The following TNR variants were observed in gnomAD, a reference collection of about 807,000 sequenced individuals.
The protein encoded by TNR is tenascin R, also known as tenascin-R.
Under a neutral mutation model 150.4 loss-of-function variants are expected in TNR, and 45 were observed. The observed-to-expected ratio is 0.30, with a 90% CI of 0.24 to 0.38. The LOEUF (loss-of-function observed/expected upper bound fraction) is 0.38. TNR is among the 10% of genes least tolerant of loss of function. The pLI is 1.00. For missense variants in TNR, 1,544 were observed against 1,759.1 expected (o/e 0.88, Z 2.19); for synonymous variants, 687 against 678.4 (o/e 1.01, Z -0.20).
intron 18 of TNR, among the ~76,000 whole-genome samples, chr1:175,348,344 T>C (rs1006326963): frequency 7.9e-5 from 12 of 152,194 alleles, no homozygotes; most frequent in Non-Finnish European, 1.8e-4. Context: ...AATTAATTTA[T>C]AAATTCATTG....
intron 2 of TNR, among the ~76,000 whole-genome samples, chr1:175,437,967 C>T (rs1352563359): frequency 6.6e-6 from 1 of 152,194 alleles, no homozygotes; most frequent in Non-Finnish European, 1.5e-5. Flanking sequence ...GAGCTGGTAC[C>T]ATTCCTTCTG....
At chr1:175,524,243 T>C (rs1221450904) in intron 2 of TNR, among the ~76,000 whole-genome samples, 2 of 152,098 alleles carry the variant, frequency 1.3e-5, no homozygotes, top group East Asian at 1.9e-4. Flanking sequence ...GCACCTAGTA[T>C]ATGCTACATG....
intron 1 of TNR, among the ~76,000 whole-genome samples, chr1:175,670,299 G>T (rs1017467196): frequency 3.1e-4 from 47 of 152,176 alleles, no homozygotes; most frequent in African/African-American, 1.0e-3. Flanking sequence ...TGGTCATCCA[G>T]GGTGTGAGAG....
rs1014214193 is a variant in TNR, at chr1:175,528,287, C to G, written c.-82G>C. ...GAAATACCTTTTGTGATGGTGTCTTCGATGCTTTCTCTTTACTGCACTTTC... is the reference window on the plus strand; with the variant it reads ...GAAATACCTTTTGTGATGGTGTCTTGGATGCTTTCTCTTTACTGCACTTTC... On this transcript the variant is annotated 5_prime_UTR_variant, in exon 2 of 23. Transcript: ENST00000367674. 1 of 152,148 alleles carries G rather than the reference C, an allele frequency of 6.6e-6. No individual in the cohort carries two copies. The highest frequency in any genetic ancestry group is 1.5e-5 in the Non-Finnish European group (1 of 68,032). 9.4% of individuals were successfully genotyped at this position (152,148 alleles called of 1,614,324 possible).
intron 9 of TNR, among the ~76,000 whole-genome samples, chr1:175,372,676 G>T (rs1173899997): frequency 6.6e-6 from 1 of 152,216 alleles, no homozygotes; most frequent in Non-Finnish European, 1.5e-5. Context: ...AAGTGGTAGG[G>T]AGAAGGAGGC....
chr1:175,625,993 G>T (rs12032298), intron 1 of TNR, among the ~76,000 whole-genome samples: 41,612 of 151,924 alleles, frequency 0.27, 6,604 homozygotes, highest in East Asian at 0.5. Context: ...GAATCATGGG[G>T]GCCTGTCTTT....
chr1:175,389,835 C>T (rs573203395), intron 7 of TNR, among the ~76,000 whole-genome samples: 2 of 152,234 alleles, frequency 1.3e-5, no homozygotes, highest in South Asian at 4.2e-4. Flanking sequence ...CAGCCACCGG[C>T]CTTCTGGAGG....
chr1:175,627,193 T>C (rs1664181671), intron 1 of TNR, among the ~76,000 whole-genome samples: 2 of 152,252 alleles, frequency 1.3e-5, no homozygotes, highest in South Asian at 2.1e-4. Flanking sequence ...TAACTTGTGA[T>C]TGACATGGCA....
chr1:175,399,725 G>T (rs1284978014), intron 4 of TNR, among the ~76,000 whole-genome samples: 3 of 152,180 alleles, frequency 2.0e-5, no homozygotes, highest in Non-Finnish European at 4.4e-5. Context: ...TTTCTTTGGG[G>T]TGTCAACTTT....
chr1:175,705,223 A>G (rs1196810886), intron 1 of TNR, among the ~76,000 whole-genome samples: 1 of 152,200 alleles, frequency 6.6e-6, no homozygotes, highest in African/African-American at 2.4e-5. Context: ...AGAAAAGAGC[A>G]GGCTGACTTC....
chr1:175,586,443 G>A lies in TNR; in HGVS notation c.-164-58074C>T, dbSNP rs141713742. ...AGTTTCCTGAGTAGCTGGGATTACAGGCATCCGCCACCATGGCCGGCTAAT... is the reference window on the plus strand; with the variant it reads ...AGTTTCCTGAGTAGCTGGGATTACAAGCATCCGCCACCATGGCCGGCTAAT... On this transcript the variant is annotated intron_variant, in intron 1 of 22. Coordinates refer to ENST00000367674, the MANE Select transcript of TNR (RefSeq NM_003285.3). Among the ~76,000 whole-genome samples, 262 of 152,208 alleles carry A rather than the reference G, an allele frequency of 1.7e-3. 4 individuals are homozygous for A. In the East Asian group the frequency reaches 0.042, roughly 24 times the overall value.
At chr1:175,531,529 T>C (rs1266700475) in intron 1 of TNR, among the ~76,000 whole-genome samples, 2 of 152,126 alleles carry the variant, frequency 1.3e-5, no homozygotes, top group Non-Finnish European at 2.9e-5. Flanking sequence ...CCCAAATCCT[T>C]TTAGCTTACA....
rs752968859 is a variant in TNR at position 175,586,118 on chromosome 1, A to T, written c.-164-57749T>A. Among the ~76,000 whole-genome samples, 3 of 151,992 alleles carry T rather than the reference A, an allele frequency of 2.0e-5. No individual in the cohort carries two copies. The South Asian group carries it at 6.2e-4, about 32-fold the overall frequency. On this transcript the variant is annotated intron_variant, in intron 1 of 22. Transcript: ENST00000367674. The stretch of plus-strand genomic sequence containing the variant: ...CTGGAAGAATATCAGCAGAATAATG[A>T]CTCAATCTTTGGTGATCAGGGAAGC...
intron 1 of TNR, among the ~76,000 whole-genome samples, chr1:175,742,808 C>T (rs559048377): frequency 6.6e-6 from 1 of 152,300 alleles, no homozygotes; most frequent in Admixed American, 6.5e-5. Flanking sequence ...AACTCTTTCC[C>T]ACCATGGATG....
At chr1:175,553,817 A>ACACACACACACACACAC (rs1553238669) in intron 1 of TNR, among the ~76,000 whole-genome samples, 40 of 145,498 alleles carry the variant, frequency 2.7e-4, no homozygotes, top group Non-Finnish European at 4.8e-4. Flanking sequence ...TACAAGAACA[A>ACACACACACACACACAC]ACACACACAC....
chr1:175,674,665 A>G (rs1182565780), intron 1 of TNR, among the ~76,000 whole-genome samples: 1 of 152,132 alleles, frequency 6.6e-6, no homozygotes, highest in Non-Finnish European at 1.5e-5. Context: ...TGTTCACCCT[A>G]CAGTAGCCTG....
At position 175,543,662 on chromosome 1, in the gene TNR, T is replaced by C. The variant is rs1436427901; in HGVS notation, c.-164-15293A>G. Among the ~76,000 whole-genome samples, 9 of 152,208 alleles carry C rather than the reference T, an allele frequency of 5.9e-5. 1 individual carries two copies. Among genetic ancestry groups the C allele is most frequent in the Middle Eastern group, 6.8e-3 (2 of 294 alleles). On this transcript the variant is annotated intron_variant, in intron 1 of 22. Transcript: ENST00000367674. ...TCAAAGATGATAATGACTCAGTTCC[T>C]GTTCTGGGAAACTCGTAATTTATAT...
intron 18 of TNR, among the ~76,000 whole-genome samples, chr1:175,345,559 G>C (rs920519043): frequency 6.6e-6 from 1 of 152,132 alleles, no homozygotes; most frequent in African/African-American, 2.4e-5. Context: ...GAATACAGCA[G>C]ATAGGGTGAA....
intron 1 of TNR, among the ~76,000 whole-genome samples, chr1:175,691,090 A>G (rs1278320911): frequency 6.6e-6 from 1 of 152,036 alleles, no homozygotes; most frequent in African/African-American, 2.4e-5. Flanking sequence ...TTAATTAAAC[A>G]TCTCTATAGT....
Sources: gnomAD v4.1 joint callset for allele counts (sites outside exome capture counted in the v4.1 genomes callset) on GRCh38, gnomAD v4.1.1 for gene constraint, MANE v1.5 for transcripts, NCBI Gene and HGNC (gene_info 2026-07-23, HGNC 2026-07-21) for gene names.